ERGIC2: variants seen among roughly 807,000 people sequenced by gnomAD.
The protein encoded by ERGIC2 is ERGIC and golgi 2, also known as endoplasmic reticulum-Golgi intermediate compartment protein 2.
Under a neutral mutation model 52.5 loss-of-function variants are expected in ERGIC2, and 31 were observed. The observed-to-expected ratio is 0.59, with a 90% CI of 0.44 to 0.80. The LOEUF (loss-of-function observed/expected upper bound fraction) is 0.80, where lower values mean the gene tolerates loss of function less well. Among genes scored for constraint, ERGIC2 ranks in the 30% least tolerant of loss-of-function variants. ERGIC2 has a pLI of 0.00. For synonymous variants in ERGIC2, 129 were observed against 140.6 expected, an observed-to-expected ratio of 0.92 and a Z score of 0.58; for missense variants, 395 against 455.2, an observed-to-expected ratio of 0.87 and a Z score of 1.20.
chr12:29,351,110 T>C (rs922040298), intron 8 of ERGIC2, among the ~76,000 whole-genome samples: 3 of 151,990 alleles, frequency 2.0e-5, no homozygotes, highest in Admixed American at 2.0e-4. Context: ...AACTGCTATG[T>C]AGTAGGGCAA....
At chr12:29,374,420 C>A (rs1007721745) in intron 1 of ERGIC2, among the ~76,000 whole-genome samples, 2 of 152,130 alleles carry the variant, frequency 1.3e-5, no homozygotes, top group African/African-American at 4.8e-5. Flanking sequence ...TCCCCCTTAA[C>A]CTCCACACCT....
chr12:29,380,348 C>T lies in ERGIC2; in HGVS notation c.-38+767G>A, dbSNP rs191934732. ...GAATAAATCCTGTTTTTAACTGTAA[C>T]TTTCATTGCTTCTGAAAACCAGTCT... On this transcript the variant is annotated intron_variant, in intron 1 of 13. Transcript: ENST00000360150. Among the ~76,000 whole-genome samples the T allele has an allele frequency of 2.4e-4, 36 of 152,064 alleles. 1 individual carries two copies. In the East Asian group the frequency reaches 6.6e-3, roughly 28 times the overall value.
chr12:29,372,996 A>G (rs1940464943), intron 1 of ERGIC2: 1 of 152,082 alleles, frequency 6.6e-6, no homozygotes, highest in Admixed American at 6.6e-5. Flanking sequence ...AAAATTAATG[A>G]CATAAGAAAA....
intron 8 of ERGIC2, among the ~76,000 whole-genome samples, chr12:29,350,809 A>G (rs531830986): frequency 6.6e-6 from 1 of 152,250 alleles, no homozygotes; most frequent in South Asian, 2.1e-4. Flanking sequence ...TATGAGAATG[A>G]GTCCAGATCC....
In ERGIC2 at chr12:29,348,251, AAAAGT is replaced by A. The variant is rs145852236; in HGVS notation, c.727+823_727+827del. Among the ~76,000 whole-genome samples the A allele has an allele frequency of 7.2e-3, 1,099 of 152,226 alleles. 9 individuals are homozygous for A. Among genetic ancestry groups the A allele is most frequent in the African/African-American group, 0.025 (1,039 of 41,576 alleles). ...TTAATATATGATTATAACACTGCTA[AAAAGT>A]AAAGAATATGAATAAATCTGAATAG... On this transcript the variant is annotated intron_variant, in intron 10 of 13. Coordinates refer to ENST00000360150, the MANE Select transcript of ERGIC2 (RefSeq NM_016570.3).
chr12:29,367,725 T>C (rs1940383411), intron 4 of ERGIC2, among the ~76,000 whole-genome samples: 1 of 151,894 alleles, frequency 6.6e-6, no homozygotes, highest in African/African-American at 2.4e-5. Flanking sequence ...GAAAACAGTA[T>C]TGATTCAAAC....
chr12:29,346,534 A>T (rs948433454), intron 10 of ERGIC2, among the ~76,000 whole-genome samples: 1 of 152,192 alleles, frequency 6.6e-6, no homozygotes, highest in Non-Finnish European at 1.5e-5. Flanking sequence ...ATAAAATTAT[A>T]AGAGAATAAC....
chr12:29,359,787 T>A (rs1253554358), intron 6 of ERGIC2, among the ~76,000 whole-genome samples: 1 of 151,522 alleles, frequency 6.6e-6, no homozygotes, highest in African/African-American at 2.4e-5. Flanking sequence ...TAAAGAAAAA[T>A]TTTTTGGAAT....
At chr12:29,359,399 T>G (rs781651529) in intron 6 of ERGIC2, among the ~76,000 whole-genome samples, 1 of 152,060 alleles carries the variant, frequency 6.6e-6, no homozygotes, top group Admixed American at 6.6e-5. Flanking sequence ...GTATATATTA[T>G]GTGTGTTTAT....
chr12:29,362,560 G>A (rs1047777345), intron 5 of ERGIC2, among the ~76,000 whole-genome samples: 1 of 151,168 alleles, frequency 6.6e-6, no homozygotes. Flanking sequence ...TCTTGCCAAT[G>A]CACTCAGTCT....
intron 7 of ERGIC2, among the ~76,000 whole-genome samples, 187 bp downstream of exon 7, chr12:29,357,436 T>G (rs11050208): frequency 0.23 from 35,068 of 152,184 alleles, 5,027 homozygotes; most frequent in East Asian, 0.35. Context: ...AATAAATATT[T>G]GTGATAATTC....
intron 1 of ERGIC2, among the ~76,000 whole-genome samples, chr12:29,374,773 AG>A (rs1245229766): frequency 2.0e-5 from 3 of 152,188 alleles, no homozygotes; most frequent in African/African-American, 7.2e-5. Context: ...CTTATGTCCA[AG>A]TATGTTCCTA....
intron 1 of ERGIC2, chr12:29,372,941 G>A (rs1285666651): frequency 6.6e-6 from 1 of 151,356 alleles, no homozygotes; most frequent in African/African-American, 2.4e-5. Flanking sequence ...GATTATAGAT[G>A]TGAACCACCA....
intron 8 of ERGIC2, among the ~76,000 whole-genome samples, chr12:29,353,632 G>C (rs552771538): frequency 1.3e-5 from 2 of 151,728 alleles, no homozygotes; most frequent in African/African-American, 2.4e-5. Flanking sequence ...TTCAGATAAG[G>C]GATGCTCAAC....
At chr12:29,344,233 T>C (rs1396301446) in intron 11 of ERGIC2, among the ~76,000 whole-genome samples, 1 of 152,172 alleles carries the variant, frequency 6.6e-6, no homozygotes, top group African/African-American at 2.4e-5. Context: ...GAAACACACA[T>C]TTTTATATTT....
intron 1 of ERGIC2, among the ~76,000 whole-genome samples, chr12:29,378,577 T>G (rs1037706540): frequency 3.3e-5 from 5 of 151,984 alleles, no homozygotes; most frequent in Non-Finnish European, 7.4e-5. Context: ...TTAGCTTTAC[T>G]TTGCAAATAC....
chr12:29,341,808 G>A lies in ERGIC2; in HGVS notation c.997C>T (p.His333Tyr), dbSNP rs2136846823. The change falls in exon 13 of 14, where the codon CAT becomes TAT. Residue 333 changes from histidine (H) to tyrosine (Y), a missense_variant. Transcript: ENST00000360150. ...GGIFSTTGMLHGIGKFIVEII... is the reference protein window; with the variant it reads ...GGIFSTTGMLYGIGKFIVEII... ...TCAACTATAAATTTTCCAATTCCAT[G>A]TAACATGCCTGTAATAAACAATAAG... 2 of 1,534,290 alleles carry A rather than the reference G, an allele frequency of 1.3e-6. No individual in the cohort carries two copies. The highest frequency in any genetic ancestry group is 4.5e-5 in the East Asian group (2 of 44,474).
chr12:29,379,107 T>C (rs1468092315), intron 1 of ERGIC2, among the ~76,000 whole-genome samples: 1 of 152,154 alleles, frequency 6.6e-6, no homozygotes, highest in South Asian at 2.1e-4. Context: ...GATAACAGAA[T>C]AACCTTAAAA....
rs1216303770 is a variant in ERGIC2, at chr12:29,356,405, C to T, written c.549G>A (p.Gly183=). 2.4e-5 allele frequency: 39 copies of T among 1,592,622 alleles called. No individual in the cohort carries two copies. Among genetic ancestry groups the T allele is most frequent in the Non-Finnish European group, 3.3e-5 (38 of 1,160,722 alleles). The change falls in exon 8 of 14, where the codon GGG becomes GGA. Residue 183 remains glycine (G), a synonymous_variant. Coordinates refer to ENST00000360150, the MANE Select transcript of ERGIC2 (RefSeq NM_016570.3). The part of the protein sequence containing the change: ...HGHLYVNKVA[G]NFHITVGKAI... Reference sequence around the variant, plus strand: ...ACTTGCCCACTGTTATGTGAAAATTCCCTGCTACTTTATTGACATATAGAT... The same window carrying T: ...ACTTGCCCACTGTTATGTGAAAATTTCCTGCTACTTTATTGACATATAGAT...
Sources: allele counts gnomAD v4.1 joint callset (sites outside exome capture counted in the v4.1 genomes callset), GRCh38; gene constraint gnomAD v4.1.1; transcripts MANE v1.5; gene names NCBI Gene and HGNC (gene_info 2026-07-23, HGNC 2026-07-21).